The following PPP2R5E variants were observed in gnomAD, a reference collection of about 807,000 sequenced individuals.
The protein encoded by PPP2R5E is serine/threonine-protein phosphatase 2A 56 kDa regulatory subunit epsilon isoform.
PPP2R5E carries 4 observed loss-of-function variants against 65.3 expected under a neutral mutation model. That is an observed-to-expected ratio of 0.06 (90% CI 0.03 to 0.14). The LOEUF is 0.14. PPP2R5E is among the 10% of genes least tolerant of loss of function. The pLI is 1.00. For missense variants in PPP2R5E, 274 were observed against 556.1 expected (o/e 0.49, Z 5.10); for synonymous variants, 183 against 187.4 (o/e 0.98, Z 0.19).
rs1357199278 is a variant in PPP2R5E, at chr14:63,371,621, T to C, written c.*4388A>G. On this transcript the variant is annotated 3_prime_UTR_variant, in exon 14 of 14. Transcript: ENST00000337537. ...GAAGATTGTTTTGTGGCATTTTAAG[T>C]TTGATGTGGATCAGAAGTCTTCACT... 6.6e-6 allele frequency: 1 copy of C among 152,194 alleles called. No individual in the cohort carries two copies. The highest frequency in any genetic ancestry group is 1.5e-5 in the Non-Finnish European group (1 of 68,030). 9.4% of individuals were successfully genotyped at this position (152,194 alleles called of 1,614,324 possible).
intron 3 of PPP2R5E, among the ~76,000 whole-genome samples, chr14:63,424,815 G>T (rs949314261): frequency 6.6e-6 from 1 of 151,812 alleles, no homozygotes; most frequent in African/African-American, 2.4e-5. Context: ...GGTAGAAAAA[G>T]AAGAGCAAAT....
At chr14:63,539,795 G>A in intron 1 of PPP2R5E, 103 bp from the exon 2 acceptor site, 1 of 1,196,456 alleles carries the variant, frequency 8.4e-7, no homozygotes. Context: ...TCATGAAAAT[G>A]GGAATATGTG....
intron 2 of PPP2R5E, among the ~76,000 whole-genome samples, chr14:63,515,308 T>G (rs192591524): frequency 4.2e-4 from 64 of 152,330 alleles, no homozygotes; most frequent in Non-Finnish European, 1.8e-4. Context: ...TTGAGAATTA[T>G]TCAAATTATT....
Position 63,421,093 on chromosome 14 carries a change from A to G in PPP2R5E, c.456+900T>C, listed in dbSNP as rs1294375624. On this transcript the variant is annotated intron_variant, in intron 4 of 13. Coordinates refer to ENST00000337537, the MANE Select transcript of PPP2R5E (RefSeq NM_006246.5). Reference sequence around the variant, plus strand: ...AAAAAAAAAAAAAAAAAAAAAAGTCAACCTGAACCATGAATACATTTCTAC... The same window carrying G: ...AAAAAAAAAAAAAAAAAAAAAAGTCGACCTGAACCATGAATACATTTCTAC... Among the ~76,000 whole-genome samples the G allele has an allele frequency of 1.4e-5, 2 of 143,668 alleles. 1 individual carries two copies. Among genetic ancestry groups the G allele is most frequent in the East Asian group, 4.1e-4 (2 of 4,820 alleles). 94.3% of individuals were successfully genotyped at this position (143,668 alleles called of 152,430 possible).
chr14:63,416,464 C>T (rs1418051232), intron 4 of PPP2R5E, among the ~76,000 whole-genome samples: 1 of 152,084 alleles, frequency 6.6e-6, no homozygotes, highest in Non-Finnish European at 1.5e-5. Context: ...AAAATACACA[C>T]ATAAAGCCCT....
At chr14:63,447,789 A>G (rs972166356) in intron 3 of PPP2R5E, among the ~76,000 whole-genome samples, 5 of 152,098 alleles carry the variant, frequency 3.3e-5, no homozygotes, top group Non-Finnish European at 7.4e-5. Flanking sequence ...AATGAGAGAC[A>G]TGTGACTCTT....
At chr14:63,465,206 A>G (rs1460287147) in intron 2 of PPP2R5E, among the ~76,000 whole-genome samples, 2 of 152,128 alleles carry the variant, frequency 1.3e-5, no homozygotes, top group Non-Finnish European at 2.9e-5. Context: ...TTCCTATTTC[A>G]TAACTTATTA....
At chr14:63,440,182 A>C (rs150187351) in intron 3 of PPP2R5E, among the ~76,000 whole-genome samples, 45 of 152,280 alleles carry the variant, frequency 3.0e-4, no homozygotes, top group African/African-American at 1.1e-3. Flanking sequence ...GGGGACTGCT[A>C]TCTGGGTGGA....
chr14:63,481,848 G>A (rs1434401719), intron 2 of PPP2R5E, among the ~76,000 whole-genome samples: 2 of 152,148 alleles, frequency 1.3e-5, no homozygotes, highest in East Asian at 1.9e-4. Flanking sequence ...TAAGACTTTC[G>A]AGTCTAAAAA....
chr14:63,420,219 A>G (rs898903700), intron 4 of PPP2R5E, among the ~76,000 whole-genome samples: 6 of 152,318 alleles, frequency 3.9e-5, no homozygotes, highest in African/African-American at 1.4e-4. Context: ...CTTTTCCACC[A>G]TAAGATGTGA....
chr14:63,385,893 T>C (rs1290225921), intron 11 of PPP2R5E, among the ~76,000 whole-genome samples: 1 of 152,220 alleles, frequency 6.6e-6, no homozygotes, highest in Admixed American at 6.5e-5. Context: ...CTACCCTCTC[T>C]GCTCTCTTAG....
chr14:63,512,294 G>C (rs1892496871), intron 2 of PPP2R5E, among the ~76,000 whole-genome samples: 1 of 152,108 alleles, frequency 6.6e-6, no homozygotes, highest in Admixed American at 6.6e-5. Flanking sequence ...AAACCAAGCT[G>C]CACTTCTCTT....
chr14:63,404,502 T>C (rs1382829220), intron 5 of PPP2R5E, among the ~76,000 whole-genome samples: 3 of 152,140 alleles, frequency 2.0e-5, no homozygotes, highest in Non-Finnish European at 2.9e-5. Context: ...GAGCCAAAGG[T>C]AGTCTGACTC....
intron 7 of PPP2R5E, among the ~76,000 whole-genome samples, chr14:63,394,368 A>C (rs1272951168): frequency 6.6e-6 from 1 of 152,132 alleles, no homozygotes; most frequent in Non-Finnish European, 1.5e-5. Flanking sequence ...AATAGGCGTG[A>C]GCCACCACAC....
At chr14:63,538,348 C>T (rs1398203180) in intron 2 of PPP2R5E, among the ~76,000 whole-genome samples, 11 of 151,870 alleles carry the variant, frequency 7.2e-5, no homozygotes, top group Admixed American at 7.2e-4. Context: ...TCAACCTCTG[C>T]CTCCCGGTTC....
intron 4 of PPP2R5E, among the ~76,000 whole-genome samples, chr14:63,420,177 T>C (rs1886926063): frequency 6.6e-6 from 1 of 152,196 alleles, no homozygotes; most frequent in Admixed American, 6.5e-5. Context: ...GAAGACAATA[T>C]GCTGAGGCTT....
chr14:63,483,949 GGC>G (rs1792720529), intron 2 of PPP2R5E, among the ~76,000 whole-genome samples: 1 of 151,992 alleles, frequency 6.6e-6, no homozygotes, highest in African/African-American at 2.4e-5. Context: ...CGGGACTGGT[GGC>G]GCGCGCCTAT....
intron 13 of PPP2R5E, among the ~76,000 whole-genome samples, chr14:63,379,428 C>T (rs1429908928): frequency 2.6e-5 from 4 of 152,126 alleles, no homozygotes; most frequent in African/African-American, 4.8e-5. Flanking sequence ...TGTGCCTCCA[C>T]GCCCGGCTAA....
chr14:63,411,502 G>A (rs567443857), intron 5 of PPP2R5E, among the ~76,000 whole-genome samples: 1 of 151,294 alleles, frequency 6.6e-6, no homozygotes, highest in African/African-American at 2.4e-5. Flanking sequence ...TCCAAATCTC[G>A]TGTTGAAATG....
Sources: allele counts gnomAD v4.1 joint callset (sites outside exome capture counted in the v4.1 genomes callset), GRCh38; gene constraint gnomAD v4.1.1; transcripts MANE v1.5; gene names NCBI Gene and HGNC (gene_info 2026-07-23, HGNC 2026-07-21).